TRIM22: variants seen among roughly 807,000 people sequenced by gnomAD.
The protein encoded by TRIM22 is tripartite motif containing 22, also known as E3 ubiquitin-protein ligase TRIM22.
TRIM22 carries 45 observed loss-of-function variants against 53.6 expected under a neutral mutation model. The observed-to-expected ratio is 0.84, with a 90% confidence interval of 0.66 to 1.08. The LOEUF is 1.08. Ranked by LOEUF, TRIM22 falls within the 50% of genes least tolerant of loss-of-function variation. The pLI is 0.00. For synonymous variants in TRIM22, 225 were observed against 216.6 expected, an observed-to-expected ratio of 1.04 and a Z score of -0.34; for missense variants, 616 against 590.9, an observed-to-expected ratio of 1.04 and a Z score of -0.44.
chr11:5,700,263 C>T (rs919503661), intron 4 of TRIM22, among the ~76,000 whole-genome samples: 26 of 151,904 alleles, frequency 1.7e-4, no homozygotes, highest in African/African-American at 2.4e-4. Flanking sequence ...TAGCGCACAC[C>T]GCCACACCTG....
intron 1 of TRIM22, among the ~76,000 whole-genome samples, chr11:5,695,207 A>C (rs903054758): frequency 1.3e-5 from 2 of 152,212 alleles, no homozygotes; most frequent in Admixed American, 1.3e-4. Flanking sequence ...GAGTGACAGT[A>C]CTGGTGGTTT....
At chr11:5,709,016 C>T (rs1259748498) in intron 7 of TRIM22, 37 bp from the exon 8 acceptor site, 2 of 1,492,024 alleles carry the variant, frequency 1.3e-6, no homozygotes, top group Non-Finnish European at 1.9e-6. Flanking sequence ...CACACCTATC[C>T]CATATCCTTC....
At chr11:5,692,066 A>C (rs961488484) in intron 1 of TRIM22, among the ~76,000 whole-genome samples, 7 of 152,242 alleles carry the variant, frequency 4.6e-5, no homozygotes, top group Non-Finnish European at 8.8e-5. Context: ...AATCAACATT[A>C]AATACCGGTA....
At chr11:5,691,596 A>T (rs1280152748) in intron 1 of TRIM22, among the ~76,000 whole-genome samples, 2 of 152,176 alleles carry the variant, frequency 1.3e-5, no homozygotes, top group Non-Finnish European at 2.9e-5. Flanking sequence ...TCCTCCCTCA[A>T]CTTCTGTAGC....
At chr11:5,698,566 C>G in intron 4 of TRIM22, 21 bp downstream of exon 4, 1 of 1,582,976 alleles carries the variant, frequency 6.3e-7, no homozygotes, top group Non-Finnish European at 8.6e-7. Flanking sequence ...GGATGGAGCA[C>G]CTACGTAAGA....
rs1316724427 is a variant in TRIM22, at chr11:5,696,539, A to G, written c.307A>G (p.Lys103Glu). ...KRDVCEHHGK[K>E]LQIFCKEDGK... ...AGATGTCTGTGAGCACCATGGAAAA[A>G]AACTCCAGATCTTCTGTAAGGAGGA... The change falls in exon 2 of 8, where the codon AAA becomes GAA. Residue 103 changes from lysine to glutamate, a missense_variant. By Grantham distance (56) the Lys-to-Glu change is moderately conservative. Coordinates refer to ENST00000379965, the MANE Select transcript of TRIM22 (RefSeq NM_006074.5). The G allele has an allele frequency of 6.2e-7, 1 of 1,614,244 alleles. No homozygotes were observed. Among genetic ancestry groups the G allele is most frequent in the Non-Finnish European group, 8.5e-7 (1 of 1,180,036 alleles).
rs756118991 is a variant in TRIM22 at position 5,696,319 on chromosome 11, T to C, written c.87T>C (p.Asp29=). ...LELLTEPLSL[D]CGHSFCQACI... ...TCCTGACAGAACCTCTGAGCCTAGA[T>C]TGTGGCCACAGCTTCTGCCAAGCCT... The change falls in exon 2 of 8, where the codon GAT becomes GAC. Residue 29 remains aspartate (D), a synonymous_variant. Coordinates refer to ENST00000379965, the MANE Select transcript of TRIM22 (RefSeq NM_006074.5). 6 of 1,614,096 alleles carry C rather than the reference T, an allele frequency of 3.7e-6. No individual in the cohort carries two copies. Among genetic ancestry groups the C allele is most frequent in the East Asian group, 2.2e-5 (1 of 44,890 alleles).
rs1244689108 is a variant in TRIM22 at position 5,690,860 on chromosome 11, T to C, written c.-67+961T>C. Reference sequence around the variant, plus strand: ...GGTTCAGCAGGGATGAGAGCCCTTATCTGGATCTGGGTATGAGGCGAAGGA... The same window carrying C: ...GGTTCAGCAGGGATGAGAGCCCTTACCTGGATCTGGGTATGAGGCGAAGGA... On this transcript the variant is annotated intron_variant, in intron 1 of 7. Coordinates refer to ENST00000379965, the MANE Select transcript of TRIM22 (RefSeq NM_006074.5). Among the ~76,000 whole-genome samples, 4 of 152,320 alleles carry C rather than the reference T, an allele frequency of 2.6e-5. No individual in the cohort carries two copies. The East Asian group carries it at 7.7e-4, about 29-fold the overall frequency.
At chr11:5,704,986 T>C (rs36092957) in intron 4 of TRIM22, among the ~76,000 whole-genome samples, 24,463 of 152,082 alleles carry the variant, frequency 0.16, 2,162 homozygotes, top group Middle Eastern at 0.25. Flanking sequence ...TAGAGGACAA[T>C]ATTTGTTTGT....
In TRIM22 at chr11:5,698,412, A is replaced by T. The variant is rs1439970764; in HGVS notation, c.617A>T (p.Glu206Val). ...NEEQRELQKL[E>V]EGEVNVLDNL... ...GAGCAGAGAGAGCTGCAAAAGCTGG[A>T]GGAAGGTGAGGTGAATGTGCTGGAT... Residue 206 changes from glutamate (E) to valine (V), a missense_variant, in exon 4 of 8, where the codon GAG becomes GTG. Coordinates refer to ENST00000379965, the MANE Select transcript of TRIM22 (RefSeq NM_006074.5). 1 of 1,614,220 alleles carries T rather than the reference A, an allele frequency of 6.2e-7. No individual in the cohort carries two copies. Among genetic ancestry groups the T allele is most frequent in the South Asian group, 1.1e-5 (1 of 91,088 alleles).
intron 7 of TRIM22, 115 bp downstream of exon 7, chr11:5,708,718 T>A: frequency 1.8e-4 from 36 of 196,484 alleles, no homozygotes; most frequent in Non-Finnish European, 2.4e-4. Flanking sequence ...ATGTAGTTCT[T>A]TTTTTTTTTT....
At chr11:5,690,593 G>C (rs907612632) in intron 1 of TRIM22, among the ~76,000 whole-genome samples, 23 of 152,258 alleles carry the variant, frequency 1.5e-4, no homozygotes, top group African/African-American at 5.5e-4. Context: ...GGAAAGAGAA[G>C]AGAAGAAAAG....
At chr11:5,701,725 A>G (rs1378475989) in intron 4 of TRIM22, among the ~76,000 whole-genome samples, 1 of 152,162 alleles carries the variant, frequency 6.6e-6, no homozygotes, top group Non-Finnish European at 1.5e-5. Flanking sequence ...TCAATGTACC[A>G]GCAACCACCA....
chr11:5,697,454 G>A, intron 3 of TRIM22, 111 bp downstream of exon 3: 2 of 713,712 alleles, frequency 2.8e-6, no homozygotes, highest in African/African-American at 1.8e-5. Context: ...AACAAGCATA[G>A]AAGTCATTTG....
rs1159019981 is a variant in TRIM22 at position 5,699,497 on chromosome 11, G to T, written c.750+952G>T. Among the ~76,000 whole-genome samples, 65 of 98,162 alleles carry T rather than the reference G, an allele frequency of 6.6e-4. 3 individuals carry two copies. The highest frequency in any genetic ancestry group is 2.9e-3 in the African/African-American group (57 of 19,478). 64.4% of individuals were successfully genotyped at this position (98,162 alleles called of 152,430 possible). ...CGAGATTGCGCCACTGCAGTCCGCAGTCCGGCCTGGGCGACAGAGCGAGAC... is the reference window on the plus strand; with the variant it reads ...CGAGATTGCGCCACTGCAGTCCGCATTCCGGCCTGGGCGACAGAGCGAGAC... On this transcript the variant is annotated intron_variant, in intron 4 of 7. Coordinates refer to ENST00000379965, the MANE Select transcript of TRIM22 (RefSeq NM_006074.5).
At chr11:5,695,008 T>C (rs945684916) in intron 1 of TRIM22, among the ~76,000 whole-genome samples, 1 of 152,164 alleles carries the variant, frequency 6.6e-6, no homozygotes, top group Non-Finnish European at 1.5e-5. Context: ...GATAAGGAAG[T>C]TGTGGCTTTA....
At chr11:5,699,530 CAAAAAAAAAAAAAAAAAAAA>C (rs71053298) in intron 4 of TRIM22, among the ~76,000 whole-genome samples, 63 of 28,538 alleles carry the variant, frequency 2.2e-3, no homozygotes, top group East Asian at 9.1e-3. Context: ...GACTCCGTCT[CAAAAAAAAAAAAAAAAAAAA>C]AAAAAAAAAA....
intron 1 of TRIM22, chr11:5,691,120 A>C (rs1362034171): frequency 1.3e-5 from 2 of 152,286 alleles, no homozygotes; most frequent in Non-Finnish European, 2.9e-5. Flanking sequence ...GAGTACCCAC[A>C]GCTTACTCTT....
chr11:5,708,446 T>C, intron 6 of TRIM22, 131 bp from the exon 7 acceptor site: 2 of 1,022,926 alleles, frequency 2.0e-6, no homozygotes, highest in South Asian at 1.6e-5. Context: ...AGGTGTCTGA[T>C]TCATCCTCTC....
Sources: gnomAD v4.1 joint callset for allele counts (sites outside exome capture counted in the v4.1 genomes callset) on GRCh38, gnomAD v4.1.1 for gene constraint, MANE v1.5 for transcripts, NCBI Gene and HGNC (gene_info 2026-07-23, HGNC 2026-07-21) for gene names.